TMEM63B: variants seen among roughly 807,000 people sequenced by gnomAD.
TMEM63B encodes transmembrane protein 63B.
In TMEM63B, 23 loss-of-function variants were observed where a neutral mutation model predicts 102.6. The observed-to-expected ratio is 0.22, with a 90% CI of 0.16 to 0.32. TMEM63B has a LOEUF of 0.32. Ranked by LOEUF, TMEM63B falls within the 10% of genes least tolerant of loss-of-function variation. TMEM63B has a pLI of 1.00. For synonymous variants in TMEM63B, 444 were observed against 437.0 expected (o/e 1.02, Z -0.20); for missense variants, 628 against 1,095.9 (o/e 0.57, Z 6.03).
Position 44,152,556 on chromosome 6 carries a change from C to A in TMEM63B, c.1837-37C>A. 6.5e-7 allele frequency: 1 copy of A among 1,539,118 alleles called. No homozygotes were observed. Among genetic ancestry groups the A allele is most frequent in the Non-Finnish European group, 8.9e-7 (1 of 1,121,006 alleles). On this transcript the variant is annotated intron_variant, in intron 19 of 23. Transcript: ENST00000323267. This position sits in a 1 kb window ranked among gnomAD's most constrained non-coding sequence, Gnocchi z 6.4. ...TCCCTGCCCCTCTGGTCAGTCCCTG[C>A]CTCCCTGAGCCATCCTCCTGCCCGT...
In TMEM63B at chr6:44,148,144, A is replaced by T. The variant is rs1010155648; in HGVS notation, c.988-108A>T. ...TTTCCAAAAAAAAAAAAATGCTTAG[A>T]GGAGCAGTGCCTGGCTTGTAGGAAG... is the stretch of plus-strand genomic sequence containing the variant. On this transcript the variant is annotated intron_variant, in intron 12 of 23. Transcript: ENST00000323267. This position sits in a 1 kb window ranked among gnomAD's most constrained non-coding sequence, Gnocchi z 5.1. 2 of 1,497,620 alleles carry T rather than the reference A, an allele frequency of 1.3e-6. No individual in the cohort carries two copies. Among genetic ancestry groups the T allele is most frequent in the Admixed American group, 2.2e-5 (1 of 45,630 alleles). 92.8% of individuals were successfully genotyped at this position (1,497,620 alleles called of 1,614,324 possible).
intron 11 of TMEM63B, 116 bp downstream of exon 11, chr6:44,147,043 A>G: frequency 8.6e-7 from 1 of 1,158,046 alleles, no homozygotes; most frequent in Non-Finnish European, 1.3e-6. Context: ...TTTGATTTTA[A>G]TTCAACTCGT....
intron 9 of TMEM63B, 34 bp from the exon 10 acceptor site, chr6:44,140,994 C>A: frequency 3.1e-6 from 5 of 1,609,888 alleles, no homozygotes; most frequent in Non-Finnish European, 4.3e-6. Flanking sequence ...TGGGGTCAAG[C>A]CTCAGAAGGC....
intron 1 of TMEM63B, among the ~76,000 whole-genome samples, chr6:44,134,059 A>G (rs1250699572): frequency 1.3e-5 from 2 of 152,068 alleles, no homozygotes; most frequent in Non-Finnish European, 2.9e-5. Context: ...AAATCATGCC[A>G]TTTTTTCTAA....
chr6:44,144,945 A>G (rs912956247), intron 10 of TMEM63B, among the ~76,000 whole-genome samples: 1 of 152,104 alleles, frequency 6.6e-6, no homozygotes, highest in African/African-American at 2.4e-5. Context: ...GTCTAGATTA[A>G]GGATTAGGAT....
chr6:44,141,662 G>A (rs73733841), intron 10 of TMEM63B, among the ~76,000 whole-genome samples: 1,808 of 152,294 alleles, frequency 0.012, 40 homozygotes, highest in African/African-American at 0.041. Flanking sequence ...ACCTTGGGGC[G>A]CAGCTCATAG....
chr6:44,128,443 C>T (rs1259194534), intron 1 of TMEM63B, among the ~76,000 whole-genome samples: 1 of 152,246 alleles, frequency 6.6e-6, no homozygotes, highest in Non-Finnish European at 1.5e-5. Flanking sequence ...GCCGCTTTGT[C>T]CCTCCTGGCT....
At chr6:44,138,551 G>A (rs540773312) in intron 6 of TMEM63B, 34 bp downstream of exon 6, 1 of 1,613,586 alleles carries the variant, frequency 6.2e-7, no homozygotes. Flanking sequence ...TAAAGAAAGA[G>A]AGAAACTTCA....
intron 10 of TMEM63B, among the ~76,000 whole-genome samples, chr6:44,146,597 C>G (rs9296428): frequency 1.3e-5 from 2 of 151,604 alleles, no homozygotes; most frequent in Admixed American, 1.3e-4. Context: ...ACTACAGGCA[C>G]GTGCCACCAT....
intron 1 of TMEM63B, among the ~76,000 whole-genome samples, chr6:44,128,067 C>G (rs1777547651): frequency 6.6e-6 from 1 of 151,378 alleles, no homozygotes; most frequent in Non-Finnish European, 1.5e-5. Flanking sequence ...GTTTGGGGAA[C>G]TAGCCGCCCC....
Position 44,154,807 on chromosome 6 carries a change from T to TGCCACCCGAC in TMEM63B, c.2427_2436dup (p.Leu813ThrfsTer20). 6.2e-7 allele frequency: 1 copy of TGCCACCCGAC among 1,610,684 alleles called. No homozygotes were observed. Among genetic ancestry groups the TGCCACCCGAC allele is most frequent in the Non-Finnish European group, 8.5e-7 (1 of 1,179,196 alleles). On this transcript the variant is annotated frameshift_variant, in exon 24 of 24. Coordinates refer to ENST00000323267, the MANE Select transcript of TMEM63B (RefSeq NM_018426.3). LOFTEE classifies it high-confidence loss of function. ...TCATCCCAAGATGAGGAGTTGCTGATGCCACCCGACGCCCTCACGGACACA... is the reference window on the plus strand; with the variant it reads ...TCATCCCAAGATGAGGAGTTGCTGATGCCACCCGACGCCACCCGACGCCCTCACGGACACA...
At position 44,148,230 on chromosome 6, in the gene TMEM63B, T is replaced by G; in HGVS notation, c.988-22T>G. The G allele has an allele frequency of 6.2e-7, 1 of 1,613,536 alleles. No individual in the cohort carries two copies. Among genetic ancestry groups the G allele is most frequent in the Non-Finnish European group, 8.5e-7 (1 of 1,179,666 alleles). ...AGCCTGGCTTTCCAACTAGAGGCCC[T>G]GTCCCTAACCCTCCCACAAAGGTGG... On this transcript the variant is annotated intron_variant, in intron 12 of 23. Transcript: ENST00000323267. The surrounding 1 kb of genome is among the most constrained non-coding windows in gnomAD (Gnocchi z 5.1).
chr6:44,129,499 A>G (rs1404286239), intron 1 of TMEM63B, among the ~76,000 whole-genome samples: 1 of 152,234 alleles, frequency 6.6e-6, no homozygotes, highest in African/African-American at 2.4e-5. Flanking sequence ...GTAATTGATC[A>G]ATAATGGGTT....
At chr6:44,149,519 A>AG (rs1275874986) in intron 15 of TMEM63B, among the ~76,000 whole-genome samples, 1 of 152,236 alleles carries the variant, frequency 6.6e-6, no homozygotes, top group African/African-American at 2.4e-5. Flanking sequence ...ATGGCTTGCT[A>AG]GCTAGGGAAG....
rs762999319 is a variant in TMEM63B, at chr6:44,139,537, G to C, written c.478G>C (p.Gly160Arg). The C allele has an allele frequency of 6.2e-7, 1 of 1,614,210 alleles. No individual in the cohort carries two copies. The highest frequency in any genetic ancestry group is 8.5e-7 in the Non-Finnish European group (1 of 1,180,048). The change falls in exon 7 of 24, where the codon GGG becomes CGG. Residue 160 changes from glycine to arginine, a missense_variant. Gly to Arg is a moderately radical substitution (Grantham distance 125, BLOSUM62 -2). Transcript: ENST00000323267. ...HYLSFQRHII[G>R]LLVVVGVLSV... ...CCTGTCCTTTCAGCGGCACATCATC[G>C]GGCTGCTGGTGGTTGTGGGCGTCCT...
chr6:44,154,366 T>C lies in TMEM63B; in HGVS notation c.2228T>C (p.Ile743Thr). The C allele has an allele frequency of 1.2e-6, 2 of 1,613,942 alleles. No individual in the cohort carries two copies. Among genetic ancestry groups the C allele is most frequent in the East Asian group, 4.5e-5 (2 of 44,872 alleles). The change falls in exon 23 of 24, where the codon ATT becomes ACT. Residue 743 changes from isoleucine (I) to threonine (T), a missense_variant and splice_region_variant. Transcript: ENST00000323267. The part of the protein sequence containing the change: ...FKYLSAHNYK[I>T]EHTETDTVDP... ...CTGACTCATTCTGGGCCCCTCAAGA[T>C]TGAGCACACGGAGACAGATACTGTG... is the stretch of plus-strand genomic sequence containing the variant.
At position 44,152,688 on chromosome 6, in the gene TMEM63B, C is replaced by A; in HGVS notation, c.1932C>A (p.Ile644=). ...CCTACAGTATCACCTGCCCCATCAT[C>A]GTGCCCTTCGGTAGGCACCGCCGCG... ...VMTYSITCPI[I]VPFGLMYMLL... Residue 644 remains isoleucine, a synonymous_variant, in exon 20 of 24, where the codon ATC becomes ATA. Coordinates refer to ENST00000323267, the MANE Select transcript of TMEM63B (RefSeq NM_018426.3). This position sits in a 1 kb window ranked among gnomAD's most constrained non-coding sequence, Gnocchi z 6.4. 1 of 1,606,726 alleles carries A rather than the reference C, an allele frequency of 6.2e-7. No homozygotes were observed. The highest frequency in any genetic ancestry group is 1.1e-5 in the South Asian group (1 of 91,078).
Position 44,139,768 on chromosome 6 carries a change from C to G in TMEM63B, c.602+9C>G. 6.2e-7 allele frequency: 1 copy of G among 1,614,092 alleles called. No homozygotes were observed. On this transcript the variant is annotated intron_variant, in intron 8 of 23. Coordinates refer to ENST00000323267, the MANE Select transcript of TMEM63B (RefSeq NM_018426.3). Reference sequence around the variant, plus strand: ...GCCAACTTGAAATCAGGGTAAGATGCGAAGCTGGTCGGCCAGGCCAAGGTC... The same window carrying G: ...GCCAACTTGAAATCAGGGTAAGATGGGAAGCTGGTCGGCCAGGCCAAGGTC...
intron 4 of TMEM63B, 77 bp from the exon 5 acceptor site, chr6:44,136,272 C>A: frequency 8.3e-7 from 1 of 1,198,158 alleles, no homozygotes; most frequent in Non-Finnish European, 1.2e-6. Context: ...AGCCCTGGAG[C>A]TCTGGAGCAC....
Sources: gnomAD v4.1 joint callset for allele counts (sites outside exome capture counted in the v4.1 genomes callset) on GRCh38, gnomAD v4.1.1 for gene constraint, Gnocchi (gnomAD v3.1) non-coding constraint, MANE v1.5 for transcripts, NCBI Gene and HGNC (gene_info 2026-07-23, HGNC 2026-07-21) for gene names.